The following RETREG1 variants were observed in gnomAD, a reference collection of about 807,000 sequenced individuals.
RETREG1 encodes family with sequence similarity 134 member B.
Under a neutral mutation model 54.8 loss-of-function variants are expected in RETREG1, and 44 were observed. The observed-to-expected ratio is 0.80, with a 90% confidence interval of 0.63 to 1.03. The LOEUF (loss-of-function observed/expected upper bound fraction) is 1.03, where lower values mean the gene tolerates loss of function less well. Among genes scored for constraint, RETREG1 ranks in the 50% least tolerant of loss-of-function variants. The pLI is 0.00. For missense variants in RETREG1, 554 were observed against 605.1 expected (o/e 0.92, Z 0.89); for synonymous variants, 217 against 238.5 (o/e 0.91, Z 0.83).
intron 3 of RETREG1, among the ~76,000 whole-genome samples, chr5:16,541,603 C>T (rs1420775337): frequency 6.6e-6 from 1 of 152,044 alleles, no homozygotes; most frequent in Non-Finnish European, 1.5e-5. Context: ...AGGAGAATCC[C>T]TTGAACCCAG....
At position 16,528,775 on chromosome 5, in the gene RETREG1, G is replaced by C. The variant is rs114839564; in HGVS notation, c.458+36988C>G. ...CATATTAAAACGGGGATGGAGAAAC[G>C]TTTCTATAAAGGGCTAGACAGGAAC... is the stretch of plus-strand genomic sequence containing the variant. On this transcript the variant is annotated intron_variant, in intron 3 of 8. Transcript: ENST00000306320. Among the ~76,000 whole-genome samples the C allele has an allele frequency of 4.6e-5, 7 of 152,232 alleles. No homozygotes were observed. In the East Asian group the frequency reaches 5.8e-4, roughly 13 times the overall value.
intron 3 of RETREG1, among the ~76,000 whole-genome samples, chr5:16,548,743 C>T (rs1020337410): frequency 6.6e-6 from 1 of 152,198 alleles, no homozygotes; most frequent in Non-Finnish European, 1.5e-5. Context: ...AACAGATACA[C>T]CTTACTATTT....
At chr5:16,488,685 C>T (rs777895573) in intron 3 of RETREG1, among the ~76,000 whole-genome samples, 4 of 152,154 alleles carry the variant, frequency 2.6e-5, no homozygotes, top group Non-Finnish European at 4.4e-5. Context: ...GACCGAAAAA[C>T]TTCAAAATTC....
chr5:16,522,274 G>A (rs1293627125), intron 3 of RETREG1, among the ~76,000 whole-genome samples: 1 of 152,008 alleles, frequency 6.6e-6, no homozygotes, highest in African/African-American at 2.4e-5. Context: ...AGGAAGGGCG[G>A]ATTCCTCCAG....
chr5:16,500,318 T>G (rs1228560250), intron 3 of RETREG1, among the ~76,000 whole-genome samples: 2 of 152,172 alleles, frequency 1.3e-5, no homozygotes, highest in Admixed American at 6.5e-5. Flanking sequence ...CAATTTGGGA[T>G]TCAGAGACAG....
At chr5:16,595,842 G>T (rs775424824) in intron 1 of RETREG1, among the ~76,000 whole-genome samples, 1 of 152,156 alleles carries the variant, frequency 6.6e-6, no homozygotes, top group South Asian at 2.1e-4. Flanking sequence ...GGAAGATTAC[G>T]AGGAGATCTG....
intron 3 of RETREG1, among the ~76,000 whole-genome samples, chr5:16,528,816 G>C (rs548263721): frequency 6.6e-6 from 1 of 152,142 alleles, no homozygotes; most frequent in African/African-American, 2.4e-5. Context: ...TCAGCTTTGT[G>C]GGCCATACAG....
At chr5:16,527,001 G>T (rs147441884) in intron 3 of RETREG1, among the ~76,000 whole-genome samples, 9 of 152,204 alleles carry the variant, frequency 5.9e-5, no homozygotes, top group Non-Finnish European at 1.2e-4. Context: ...TGGCCTCCTC[G>T]TGGCAATTTG....
chr5:16,527,878 C>T (rs952085528), intron 3 of RETREG1, among the ~76,000 whole-genome samples: 5 of 137,468 alleles, frequency 3.6e-5, no homozygotes, highest in African/African-American at 1.4e-4. Context: ...GGCACGATCT[C>T]GGCTCACTGC....
At position 16,561,960 on chromosome 5, in the gene RETREG1, C is replaced by G. The variant is rs1741867344; in HGVS notation, c.458+3803G>C. Among the ~76,000 whole-genome samples the G allele has an allele frequency of 6.6e-6, 1 of 152,124 alleles. No individual in the cohort carries two copies. Among genetic ancestry groups the G allele is most frequent in the Non-Finnish European group, 1.5e-5 (1 of 68,040 alleles). On this transcript the variant is annotated intron_variant, in intron 3 of 8. Coordinates refer to ENST00000306320, the MANE Select transcript of RETREG1 (RefSeq NM_001034850.3). The surrounding 1 kb of genome is among the most constrained non-coding windows in gnomAD (Gnocchi z 4.2). ...TCAGCTTGTCTAATCTTTCCCCAAC[C>G]ACAGTTAGAGAGAAAGCCTCGATTT...
chr5:16,574,541 A>AC (rs1742274084), intron 1 of RETREG1, among the ~76,000 whole-genome samples: 1 of 152,146 alleles, frequency 6.6e-6, no homozygotes, highest in African/African-American at 2.4e-5. Flanking sequence ...AAGGTGGCCA[A>AC]CCCAAGCTCT....
chr5:16,533,322 C>T (rs1740966876), intron 3 of RETREG1, among the ~76,000 whole-genome samples: 1 of 152,134 alleles, frequency 6.6e-6, no homozygotes, highest in African/African-American at 2.4e-5. Flanking sequence ...GGATTACAGG[C>T]GTGAGCCACC....
chr5:16,557,035 G>T lies in RETREG1; in HGVS notation c.458+8728C>A, dbSNP rs552450842. On this transcript the variant is annotated intron_variant, in intron 3 of 8. Coordinates refer to ENST00000306320, the MANE Select transcript of RETREG1 (RefSeq NM_001034850.3). ...AGTAGAGACAGGGTTTCACCATGTTGCCTAGGCTGGTCTTGAACTCCTGAT... is the reference window on the plus strand; with the variant it reads ...AGTAGAGACAGGGTTTCACCATGTTTCCTAGGCTGGTCTTGAACTCCTGAT... Among the ~76,000 whole-genome samples, 14 of 152,216 alleles carry T rather than the reference G, an allele frequency of 9.2e-5. No homozygotes were observed. In the East Asian group the frequency reaches 2.7e-3, roughly 29 times the overall value.
chr5:16,515,777 G>A (rs766533149), intron 3 of RETREG1, among the ~76,000 whole-genome samples: 4 of 152,110 alleles, frequency 2.6e-5, no homozygotes, highest in Non-Finnish European at 5.9e-5. Context: ...CCCAGCCCCA[G>A]AGCAAATTAG....
intron 3 of RETREG1, among the ~76,000 whole-genome samples, chr5:16,525,325 ATGTGCGCGGG>A (rs1740678984): frequency 1.9e-5 from 2 of 104,796 alleles, no homozygotes. Flanking sequence ...CAACAGGTGG[ATGTGCGCGGG>A]TAACACTGTG....
intron 5 of RETREG1, among the ~76,000 whole-genome samples, chr5:16,480,272 C>A (rs890405221): frequency 6.6e-6 from 1 of 151,922 alleles, no homozygotes; most frequent in African/African-American, 2.4e-5. Flanking sequence ...TCTACTCAGT[C>A]TAATTATTTT....
At chr5:16,500,502 A>G (rs1012116729) in intron 3 of RETREG1, among the ~76,000 whole-genome samples, 1 of 152,154 alleles carries the variant, frequency 6.6e-6, no homozygotes, top group Non-Finnish European at 1.5e-5. Flanking sequence ...AGAGGGTTCT[A>G]CACACTTGCT....
At chr5:16,615,012 G>C (rs1019478075) in intron 1 of RETREG1, among the ~76,000 whole-genome samples, 4 of 152,174 alleles carry the variant, frequency 2.6e-5, no homozygotes, top group Non-Finnish European at 5.9e-5. Context: ...ATGAGAAAGA[G>C]ATTTTCAAAA....
chr5:16,543,102 A>G (rs1741293297), intron 3 of RETREG1, among the ~76,000 whole-genome samples: 1 of 152,110 alleles, frequency 6.6e-6, no homozygotes, highest in Non-Finnish European at 1.5e-5. Flanking sequence ...ACTCTTTTTT[A>G]TCTGGCTTCT....
Sources: gnomAD v4.1 joint callset for allele counts (sites outside exome capture counted in the v4.1 genomes callset) on GRCh38, gnomAD v4.1.1 for gene constraint, Gnocchi (gnomAD v3.1) non-coding constraint, MANE v1.5 for transcripts, NCBI Gene and HGNC (gene_info 2026-07-23, HGNC 2026-07-21) for gene names.